PLSCR2: variants seen among roughly 807,000 people sequenced by gnomAD.
PLSCR2 encodes phospholipid scramblase 2, also known as PL scramblase 2.
A neutral mutation model predicts 25.3 loss-of-function variants in PLSCR2; 18 were observed. The ratio of observed to expected loss-of-function variants is 0.71; its 90% CI spans 0.49 to 1.06. The LOEUF (loss-of-function observed/expected upper bound fraction) is 1.06, where lower values mean the gene tolerates loss of function less well. Among genes scored for constraint, PLSCR2 ranks in the 50% least tolerant of loss-of-function variants. PLSCR2 has a pLI of 0.00. For synonymous variants in PLSCR2, 88 were observed against 87.3 expected (o/e 1.01, Z -0.04); for missense variants, 243 against 269.5 (o/e 0.90, Z 0.69).
At chr3:146,484,969 C>A (rs1234933301) in intron 1 of PLSCR2, among the ~76,000 whole-genome samples, 1 of 151,756 alleles carries the variant, frequency 6.6e-6, no homozygotes, top group Admixed American at 6.6e-5. Context: ...GGCTAAATGC[C>A]CCAATTAAAA....
At chr3:146,460,006 C>T (rs2041470050) in exon 2 of PLSCR2, 1 of 1,610,354 alleles carries the variant, frequency 6.2e-7, no homozygotes. Context: ...GGGTAGAAGG[C>T]CTGGGAGCCC....
chr3:146,416,374 A>G (rs2039007431), intron 2 of PLSCR2: 1 of 152,142 alleles, frequency 6.6e-6, no homozygotes, highest in East Asian at 1.9e-4. Context: ...TAAATAAAAT[A>G]TAAAAATCTT....
At chr3:146,473,220 C>T (rs1403998496) in intron 1 of PLSCR2, among the ~76,000 whole-genome samples, 1 of 151,110 alleles carries the variant, frequency 6.6e-6, no homozygotes, top group African/African-American at 2.4e-5. Context: ...TTTTTTTCAT[C>T]CTTGGTTTAT....
At chr3:146,450,346 T>G (rs544309283) in intron 5 of PLSCR2, among the ~76,000 whole-genome samples, 1 of 152,330 alleles carries the variant, frequency 6.6e-6, no homozygotes, top group South Asian at 2.1e-4. Flanking sequence ...CTGAAAACAT[T>G]TGATTCATTT....
chr3:146,417,129 T>C (rs1177683599), intron 2 of PLSCR2, among the ~76,000 whole-genome samples: 1 of 152,192 alleles, frequency 6.6e-6, no homozygotes, highest in Non-Finnish European at 1.5e-5. Context: ...TAATTGGCCC[T>C]AATTAGGATT....
At chr3:146,404,211 A>C (rs890174557) in intron 2 of PLSCR2, among the ~76,000 whole-genome samples, 1 of 152,192 alleles carries the variant, frequency 6.6e-6, no homozygotes. Context: ...TCTATATAGA[A>C]GTACCTTGCC....
chr3:146,477,856 G>A lies in PLSCR2; in HGVS notation c.-292-17572C>T, dbSNP rs187660689. ...AGGGGCTGACACACACCTGATACAGGCAGGTGCCCCTCTGGGATGAAGCTT... is the reference window on the plus strand; with the variant it reads ...AGGGGCTGACACACACCTGATACAGACAGGTGCCCCTCTGGGATGAAGCTT... On this transcript the variant is annotated intron_variant, in intron 1 of 8. Transcript: ENST00000336685. Among the ~76,000 whole-genome samples, 52 of 152,070 alleles carry A rather than the reference G, an allele frequency of 3.4e-4. No individual in the cohort carries two copies. In the East Asian group the frequency reaches 8.3e-3, roughly 24 times the overall value.
chr3:146,478,923 G>T (rs933240025), intron 1 of PLSCR2, among the ~76,000 whole-genome samples: 2 of 152,242 alleles, frequency 1.3e-5, no homozygotes, highest in Non-Finnish European at 2.9e-5. Context: ...AGCCAGAAGA[G>T]AGTGGGGGCC....
intron 2 of PLSCR2, among the ~76,000 whole-genome samples, chr3:146,412,744 A>G (rs1226972109): frequency 1.3e-5 from 2 of 152,168 alleles, no homozygotes; most frequent in African/African-American, 2.4e-5. Context: ...GATAGCCCCT[A>G]CTGCTGTGTC....
At chr3:146,443,718 T>C (rs11924213) in intron 6 of PLSCR2, among the ~76,000 whole-genome samples, 12,161 of 151,988 alleles carry the variant, frequency 0.08, 613 homozygotes, top group African/African-American at 0.13. Flanking sequence ...AATTTTTACT[T>C]GTTGATCTTT....
At chr3:146,445,678 T>G (rs1241714172) in intron 6 of PLSCR2, among the ~76,000 whole-genome samples, 2 of 152,178 alleles carry the variant, frequency 1.3e-5, no homozygotes. Flanking sequence ...TTTGAATATT[T>G]ATATCTTTCT....
intron 2 of PLSCR2, among the ~76,000 whole-genome samples, chr3:146,397,112 A>G (rs933034867): frequency 6.6e-6 from 1 of 152,028 alleles, no homozygotes; most frequent in African/African-American, 2.4e-5. Context: ...TTGTATCTCC[A>G]TACTTTCTCT....
chr3:146,432,998 A>G (rs558282527), downstream of PLSCR2, among the ~76,000 whole-genome samples: 4 of 152,230 alleles, frequency 2.6e-5, no homozygotes, highest in African/African-American at 9.6e-5. Flanking sequence ...CTTATTGTGC[A>G]TGAATTGAAA....
upstream of PLSCR2, among the ~76,000 whole-genome samples, chr3:146,462,851 A>T (rs926344239): frequency 1.1e-4 from 17 of 152,162 alleles, no homozygotes; most frequent in African/African-American, 4.1e-4. Context: ...AAGACCCCAA[A>T]GGGTAATTGA....
rs537271722 is a variant in PLSCR2 at position 146,445,856 on chromosome 3, CTCTG to C, written c.645+3346_645+3349del. ...GTTTTTTATTTTTTATTTTTGTCTC[CTCTG>C]TCTATTTTCAAATATCCTGTCTTTA... On this transcript the variant is annotated intron_variant, in intron 6 of 6. Transcript: ENST00000610787. Among the ~76,000 whole-genome samples the C allele has an allele frequency of 9.1e-4, 138 of 151,922 alleles. 2 individuals carry two copies. Among genetic ancestry groups the C allele is most frequent in the African/African-American group, 2.8e-3 (114 of 41,454 alleles).
intron 1 of PLSCR2, among the ~76,000 whole-genome samples, chr3:146,471,131 A>G (rs959667747): frequency 6.6e-6 from 1 of 152,078 alleles, no homozygotes; most frequent in Non-Finnish European, 1.5e-5. Flanking sequence ...GGAAATCTCT[A>G]TCCCTCTAAT....
chr3:146,458,639 T>C (rs1427678369), intron 2 of PLSCR2, among the ~76,000 whole-genome samples, 186 bp from the exon 3 acceptor site: 1 of 152,116 alleles, frequency 6.6e-6, no homozygotes, highest in Non-Finnish European at 1.5e-5. Context: ...AAATGCTGTA[T>C]GTTTATTGAA....
intron 2 of PLSCR2, among the ~76,000 whole-genome samples, chr3:146,425,640 C>T (rs1359453622): frequency 1.3e-5 from 2 of 152,180 alleles, no homozygotes; most frequent in South Asian, 2.1e-4. Context: ...GTATAGATGG[C>T]TTAAATAGCT....
At chr3:146,440,215 AG>A (rs1445989292), downstream of PLSCR2, among the ~76,000 whole-genome samples, 3 of 152,146 alleles carry the variant, frequency 2.0e-5, no homozygotes, top group Non-Finnish European at 2.9e-5. Context: ...TGGGCTACGC[AG>A]GGGTCAGGGA....
Sources: gnomAD v4.1 joint callset for allele counts (sites outside exome capture counted in the v4.1 genomes callset) on GRCh38, gnomAD v4.1.1 for gene constraint, MANE v1.5 for transcripts, NCBI Gene and HGNC (gene_info 2026-07-23, HGNC 2026-07-21) for gene names.